SNRK: variants seen among roughly 807,000 people sequenced by gnomAD.
SNRK encodes the protein SNF related kinase.
Under a neutral mutation model 48.2 loss-of-function variants are expected in SNRK, and 3 were observed. The observed-to-expected ratio is 0.06, with a 90% CI of 0.03 to 0.16. The LOEUF is 0.16. Among genes scored for constraint, SNRK ranks in the 10% least tolerant of loss-of-function variants. SNRK has a pLI of 1.00. For synonymous variants in SNRK, 376 were observed against 366.1 expected, an observed-to-expected ratio of 1.03 and a Z score of -0.31; for missense variants, 627 against 976.0, an observed-to-expected ratio of 0.64 and a Z score of 4.76.
At chr3:43,329,449 A>C (rs1319853920) in intron 3 of SNRK, among the ~76,000 whole-genome samples, 2 of 152,118 alleles carry the variant, frequency 1.3e-5, no homozygotes, top group Admixed American at 1.3e-4. Flanking sequence ...AAAAAAAAAA[A>C]AGTCTGGGAA....
intron 1 of SNRK, among the ~76,000 whole-genome samples, chr3:43,291,822 T>C (rs915488774): frequency 1.3e-5 from 2 of 152,212 alleles, no homozygotes; most frequent in East Asian, 3.8e-4. Context: ...ATGTGGTACT[T>C]TGAAATGTGG....
intron 5 of SNRK, among the ~76,000 whole-genome samples, chr3:43,341,252 G>T (rs570408643): frequency 6.6e-6 from 1 of 151,812 alleles, no homozygotes; most frequent in Non-Finnish European, 1.5e-5. Flanking sequence ...CCGGGTTCAC[G>T]CCATTCTCCT....
chr3:43,323,777 A>G (rs1221822565), intron 3 of SNRK, among the ~76,000 whole-genome samples: 2 of 152,234 alleles, frequency 1.3e-5, no homozygotes, highest in African/African-American at 2.4e-5. Flanking sequence ...GTACAACAAC[A>G]TGAGTGAATC....
At chr3:43,313,009 A>G (rs1559463127) in intron 3 of SNRK, among the ~76,000 whole-genome samples, 1 of 152,226 alleles carries the variant, frequency 6.6e-6, no homozygotes, top group African/African-American at 2.4e-5. Context: ...CATAATTCCT[A>G]TCAAAACTCT....
chr3:43,325,333 T>G (rs1217832929), intron 3 of SNRK, among the ~76,000 whole-genome samples: 1 of 152,076 alleles, frequency 6.6e-6, no homozygotes, highest in Non-Finnish European at 1.5e-5. Context: ...GCCCGGCTAA[T>G]TTTTTGTATT....
chr3:43,334,976 CCTTAT>C (rs987872706), intron 4 of SNRK, among the ~76,000 whole-genome samples: 9 of 57,308 alleles, frequency 1.6e-4, no homozygotes, highest in East Asian at 2.3e-3. Context: ...ATAATTTGTG[CCTTAT>C]CTTTTTTTTG....
intron 3 of SNRK, among the ~76,000 whole-genome samples, chr3:43,311,317 C>T (rs1343763693): frequency 1.3e-5 from 2 of 152,152 alleles, no homozygotes; most frequent in Non-Finnish European, 2.9e-5. Context: ...CAGTGTGCCT[C>T]ATCTAGAAAA....
At chr3:43,309,627 T>C (rs955610655) in intron 3 of SNRK, among the ~76,000 whole-genome samples, 1 of 151,308 alleles carries the variant, frequency 6.6e-6, no homozygotes, top group African/African-American at 2.4e-5. Context: ...TTTTTTTTTT[T>C]ATTCTTTGAG....
intron 3 of SNRK, among the ~76,000 whole-genome samples, chr3:43,320,746 T>G (rs955570854): frequency 3.9e-5 from 6 of 152,084 alleles, no homozygotes; most frequent in Admixed American, 1.3e-4. Flanking sequence ...TAGTGCATAA[T>G]GTAAGTTGAT....
At chr3:43,311,209 C>T (rs2090976696) in intron 3 of SNRK, among the ~76,000 whole-genome samples, 2 of 152,116 alleles carry the variant, frequency 1.3e-5, no homozygotes, top group Non-Finnish European at 2.9e-5. Context: ...CACATGTCTG[C>T]GTGGACATGG....
intron 3 of SNRK, among the ~76,000 whole-genome samples, chr3:43,316,679 T>G (rs934619287): frequency 1.3e-5 from 2 of 152,142 alleles, no homozygotes; most frequent in African/African-American, 4.8e-5. Context: ...CATTTAGGGA[T>G]AAGTGAAAAC....
chr3:43,313,818 G>A (rs1559463346), intron 3 of SNRK, among the ~76,000 whole-genome samples: 1 of 152,126 alleles, frequency 6.6e-6, no homozygotes, highest in Non-Finnish European at 1.5e-5. Flanking sequence ...CTTTCCATTT[G>A]TTTTGTTGGC....
At chr3:43,323,826 C>T (rs114289728) in intron 3 of SNRK, among the ~76,000 whole-genome samples, 1 of 152,114 alleles carries the variant, frequency 6.6e-6, no homozygotes, top group African/African-American at 2.4e-5. Flanking sequence ...GCAAAACAGT[C>T]TGCATTATTG....
intron 3 of SNRK, among the ~76,000 whole-genome samples, chr3:43,307,388 G>GT (rs139012155): frequency 6.6e-6 from 1 of 151,980 alleles, no homozygotes; most frequent in Non-Finnish European, 1.5e-5. Context: ...AGATCTTGCG[G>GT]TTTTTTTGTT....
At chr3:43,315,854 T>C (rs757427664) in intron 3 of SNRK, among the ~76,000 whole-genome samples, 5 of 152,194 alleles carry the variant, frequency 3.3e-5, no homozygotes, top group Non-Finnish European at 7.3e-5. Flanking sequence ...AAATGAAATG[T>C]CACATACTCT....
rs947193268 is a variant in SNRK at position 43,347,213 on chromosome 3, T to C, written c.1080-126T>C. On this transcript the variant is annotated intron_variant, in intron 6 of 6. Coordinates refer to ENST00000296088, the MANE Select transcript of SNRK (RefSeq NM_017719.5). The surrounding 1 kb of genome is among the most constrained non-coding windows in gnomAD (Gnocchi z 5.4). Reference sequence around the variant, plus strand: ...ATGTTTACAGGATGTTGAATGGGTTTGCAAGGCTGCTGCTTTTTTCTTTAA... The same window carrying C: ...ATGTTTACAGGATGTTGAATGGGTTCGCAAGGCTGCTGCTTTTTTCTTTAA... The C allele has an allele frequency of 6.7e-6, 7 of 1,044,854 alleles. No homozygotes were observed. In the African/African-American group the frequency reaches 1.1e-4, roughly 17 times the overall value. The allele number at this position is 1,044,854 out of a possible 1,614,324, so 64.7% of individuals were successfully genotyped here. A position where few individuals can be genotyped will look rare whatever the true frequency, so the allele number is the denominator to read the frequency against.
chr3:43,339,818 A>AATATATATATATATATATATATAT (rs71083066), intron 4 of SNRK, among the ~76,000 whole-genome samples: 2 of 66,742 alleles, frequency 3.0e-5, no homozygotes, highest in Non-Finnish European at 6.2e-5. Context: ...CCATTTCCAA[A>AATATATATATATATATATATATAT]ATATATATAT....
At chr3:43,340,838 G>A (rs148267593) in intron 5 of SNRK, among the ~76,000 whole-genome samples, 9 of 152,200 alleles carry the variant, frequency 5.9e-5, no homozygotes, top group Non-Finnish European at 8.8e-5. Flanking sequence ...GTCTCCTGCC[G>A]GTCCCCACAG....
chr3:43,295,041 C>A (rs1041525060), intron 1 of SNRK, among the ~76,000 whole-genome samples: 10 of 152,100 alleles, frequency 6.6e-5, no homozygotes, highest in African/African-American at 2.4e-4. Flanking sequence ...ATTTTTAAGT[C>A]CTACTTACAC....
Sources: gnomAD v4.1 joint callset for allele counts (sites outside exome capture counted in the v4.1 genomes callset) on GRCh38, gnomAD v4.1.1 for gene constraint, Gnocchi (gnomAD v3.1) non-coding constraint, MANE v1.5 for transcripts, NCBI Gene and HGNC (gene_info 2026-07-23, HGNC 2026-07-21) for gene names.